The following TRIT1 variants were observed in gnomAD, a reference collection of about 807,000 sequenced individuals.
TRIT1 encodes tRNA isopentenyltransferase 1, also known as tRNA dimethylallyltransferase.
Under a neutral mutation model 51.2 loss-of-function variants are expected in TRIT1, and 43 were observed. The ratio of observed to expected loss-of-function variants is 0.84; its 90% confidence interval spans 0.66 to 1.08. TRIT1 has a LOEUF of 1.08. Ranked by LOEUF, TRIT1 falls within the 50% of genes least tolerant of loss-of-function variation. The pLI is 0.00. For synonymous variants in TRIT1, 184 were observed against 203.9 expected (o/e 0.90, Z 0.83); for missense variants, 528 against 578.4 (o/e 0.91, Z 0.89).
chr1:39,848,167 G>A, intron 5 of TRIT1, 70 bp from the exon 6 acceptor site: 2 of 1,109,492 alleles, frequency 1.8e-6, no homozygotes, highest in Non-Finnish European at 1.4e-6. Context: ...CATGACGAGT[G>A]AACAGGTGGT....
intron 1 of TRIT1, chr1:39,881,572 C>G (rs1395753547): frequency 1.3e-5 from 2 of 148,820 alleles, no homozygotes; most frequent in Non-Finnish European, 3.0e-5. Flanking sequence ...TTTTTTAAGA[C>G]TAGTCATGTA....
At chr1:39,857,817 G>A (rs193245265) in intron 1 of TRIT1, among the ~76,000 whole-genome samples, 120 of 152,238 alleles carry the variant, frequency 7.9e-4, no homozygotes, top group African/African-American at 2.7e-3. Flanking sequence ...AAAATGCTTA[G>A]GTATTTCTTG....
At chr1:39,861,399 G>C (rs957554561) in intron 1 of TRIT1, among the ~76,000 whole-genome samples, 12 of 152,068 alleles carry the variant, frequency 7.9e-5, no homozygotes, top group African/African-American at 2.9e-4. Flanking sequence ...AAAACAATAT[G>C]GCAGTTCCTC....
At chr1:39,865,671 C>CAAAAAAAAA (rs142393332) in intron 1 of TRIT1, among the ~76,000 whole-genome samples, 79 of 68,012 alleles carry the variant, frequency 1.2e-3, no homozygotes, top group East Asian at 3.4e-3. Context: ...TCTGTCTCTA[C>CAAAAAAAAA]AAAAAAAAAA....
chr1:39,844,765 T>TAA lies in TRIT1; in HGVS notation c.1007-127_1007-126dup, dbSNP rs1042530643. On this transcript the variant is annotated intron_variant, in intron 8 of 10. Coordinates refer to ENST00000316891, the MANE Select transcript of TRIT1 (RefSeq NM_017646.6). Reference sequence around the variant, plus strand: ...GGAGTAAACATTCTGACCATGCTGTTAATTCTAACTAAACATGAACCACAA... The same window carrying TAA: ...GGAGTAAACATTCTGACCATGCTGTTAAAATTCTAACTAAACATGAACCACAA... 4 of 654,088 alleles carry TAA rather than the reference T, an allele frequency of 6.1e-6. No individual in the cohort carries two copies. In the African/African-American group the frequency reaches 7.3e-5, roughly 12 times the overall value. The allele number at this position is 654,088 out of a possible 1,614,324, so 40.5% of individuals were successfully genotyped here. A position where few individuals can be genotyped will look rare whatever the true frequency, so the allele number is the denominator to read the frequency against.
rs185280961 is a variant in TRIT1 at position 39,851,320 on chromosome 1, A to T, written c.561-1059T>A. Among the ~76,000 whole-genome samples the T allele has an allele frequency of 9.7e-4, 148 of 152,326 alleles. 2 individuals are homozygous for T. Among genetic ancestry groups the T allele is most frequent in the Admixed American group, 6.7e-3 (102 of 15,288 alleles). The stretch of plus-strand genomic sequence containing the variant: ...TGACTCTTACTAAGAAAAAATTCTC[A>T]AACTCATTACTCGTTTAGACGCAGC... On this transcript the variant is annotated intron_variant, in intron 4 of 10. Transcript: ENST00000316891.
At chr1:39,844,487 G>T in intron 9 of TRIT1, 44 bp downstream of exon 9, 1 of 1,473,464 alleles carries the variant, frequency 6.8e-7, no homozygotes, top group Non-Finnish European at 9.5e-7. Context: ...TAATGAAAGT[G>T]CTCTGAAAAC....
In TRIT1 at chr1:39,838,911, G is replaced by C. The variant is rs574092839; in HGVS notation, c.*2833C>G. 1.3e-5 allele frequency among the ~76,000 whole-genome samples: 2 copies of C among 152,164 alleles called. No individual in the cohort carries two copies. The highest frequency in any genetic ancestry group is 2.4e-5 in the African/African-American group (1 of 41,440). ...CAAAAAATTACTGAGAGTTAGGAAG[G>C]ATCAAGCCATATTCCTGGAATACAG... On this transcript the variant is annotated 3_prime_UTR_variant, in exon 11 of 11. Coordinates refer to ENST00000316891, the MANE Select transcript of TRIT1 (RefSeq NM_017646.6).
chr1:39,880,000 C>A (rs1056346931), intron 1 of TRIT1, among the ~76,000 whole-genome samples: 2 of 150,674 alleles, frequency 1.3e-5, no homozygotes, highest in African/African-American at 4.9e-5. Context: ...CATGGTGAAA[C>A]CCTGTCTCTA....
intron 7 of TRIT1, 59 bp downstream of exon 7, chr1:39,847,489 A>G: frequency 6.4e-7 from 1 of 1,571,628 alleles, no homozygotes; most frequent in Non-Finnish European, 8.8e-7. Flanking sequence ...AGACCATACC[A>G]GCAGAGTACC....
At chr1:39,878,524 T>C (rs1490000637) in intron 1 of TRIT1, among the ~76,000 whole-genome samples, 1 of 152,224 alleles carries the variant, frequency 6.6e-6, no homozygotes, top group East Asian at 1.9e-4. Flanking sequence ...TGTTGTACAA[T>C]AGTTTCTGAG....
At chr1:39,857,479 G>T (rs189555161) in intron 1 of TRIT1, 62 bp from the exon 2 acceptor site, 386 of 1,565,730 alleles carry the variant, frequency 2.5e-4, no homozygotes, top group Middle Eastern at 2.4e-3. Flanking sequence ...CATACTTAAT[G>T]AATAGAAATT....
chr1:39,861,923 CAAA>C (rs60007826), intron 1 of TRIT1, among the ~76,000 whole-genome samples: 6 of 68,392 alleles, frequency 8.8e-5, no homozygotes, highest in Admixed American at 3.4e-4. Context: ...GGCTCTGTCT[CAAA>C]AAAAAAAAAA....
At chr1:39,853,788 T>C (rs573676549) in intron 3 of TRIT1, among the ~76,000 whole-genome samples, 182 bp downstream of exon 3, 2 of 152,294 alleles carry the variant, frequency 1.3e-5, no homozygotes, top group South Asian at 4.1e-4. Context: ...CCCCTTCCCA[T>C]AGACCAGCCT....
intron 4 of TRIT1, among the ~76,000 whole-genome samples, chr1:39,851,663 C>A (rs750891662): frequency 3.3e-5 from 5 of 152,106 alleles, no homozygotes; most frequent in Non-Finnish European, 7.4e-5. Flanking sequence ...CTTTTCTTGG[C>A]TGAGTACTGT....
chr1:39,860,376 C>T (rs977272817), intron 1 of TRIT1, among the ~76,000 whole-genome samples: 2 of 152,122 alleles, frequency 1.3e-5, no homozygotes, highest in African/African-American at 4.8e-5. Context: ...GTTTTATAGT[C>T]GTTAACTAAA....
intron 1 of TRIT1, among the ~76,000 whole-genome samples, chr1:39,866,575 T>G (rs1643569048): frequency 6.6e-6 from 1 of 152,184 alleles, no homozygotes; most frequent in East Asian, 1.9e-4. Flanking sequence ...AGGTTAGGAC[T>G]AATAAGTTTG....
rs1652500398 is a variant in TRIT1 at position 39,840,081 on chromosome 1, G to A, written c.*1663C>T. On this transcript the variant is annotated 3_prime_UTR_variant, in exon 11 of 11. Coordinates refer to ENST00000316891, the MANE Select transcript of TRIT1 (RefSeq NM_017646.6). ...AGTTTCCTCCCTGGTTAACAGCAAA[G>A]GAAACAGCATCTCCCTCCCAGGGCT... Among the ~76,000 whole-genome samples the A allele has an allele frequency of 6.6e-6, 1 of 152,114 alleles. No individual in the cohort carries two copies. The highest frequency in any genetic ancestry group is 6.5e-5 in the Admixed American group (1 of 15,276).
In TRIT1 at chr1:39,838,803, T is replaced by C. The variant is rs1258391947; in HGVS notation, c.*2941A>G. Among the ~76,000 whole-genome samples, 2 of 152,196 alleles carry C rather than the reference T, an allele frequency of 1.3e-5. No individual in the cohort carries two copies. The highest frequency in any genetic ancestry group is 2.9e-5 in the Non-Finnish European group (2 of 68,024). On this transcript the variant is annotated 3_prime_UTR_variant, in exon 11 of 11. Transcript: ENST00000316891. ...GGCGTGAGCCACCACTCCCGGACTG[T>C]TATTTTTTAATGTTATACTGGGTGT...
Sources: allele counts gnomAD v4.1 joint callset (sites outside exome capture counted in the v4.1 genomes callset), GRCh38; gene constraint gnomAD v4.1.1; transcripts MANE v1.5; gene names NCBI Gene and HGNC (gene_info 2026-07-23, HGNC 2026-07-21).